RGS6: variants seen among roughly 807,000 people sequenced by gnomAD.
RGS6 encodes regulator of G-protein signaling 6.
RGS6 carries 30 observed loss-of-function variants against 78.5 expected under a neutral mutation model. That is an observed-to-expected ratio of 0.38 (90% CI 0.29 to 0.52). The LOEUF is 0.52. Ranked by LOEUF, RGS6 falls within the 20% of genes least tolerant of loss-of-function variation. RGS6 has a pLI of 0.85. For missense variants in RGS6, 495 were observed against 609.7 expected (o/e 0.81, Z 1.98); for synonymous variants, 206 against 206.0 (o/e 1.00, Z 0.00).
chr14:72,230,744 G>C (rs2238222), intron 2 of RGS6, among the ~76,000 whole-genome samples: 17,526 of 152,160 alleles, frequency 0.12, 1,264 homozygotes, highest in East Asian at 0.33. Flanking sequence ...CCTCAATTTT[G>C]CTTTTAAGGC....
At chr14:72,414,491 T>G (rs552751148) in intron 3 of RGS6, among the ~76,000 whole-genome samples, 1 of 152,200 alleles carries the variant, frequency 6.6e-6, no homozygotes, top group Non-Finnish European at 1.5e-5. Flanking sequence ...GGTTTTTAAC[T>G]TCTTTGCCAT....
At chr14:72,442,557 C>T (rs2095244128) in intron 3 of RGS6, among the ~76,000 whole-genome samples, 1 of 152,144 alleles carries the variant, frequency 6.6e-6, no homozygotes. Context: ...TTCATCATTG[C>T]TGGTGGATGA....
Position 71,964,874 on chromosome 14 carries a change from A to G in RGS6, c.83A>G (p.Lys28Arg). ...TCTCCAAACATGATCGTTTACTGCA[A>G]AGTAAGGCGCCTGGTCAAGTGCCGT... ...ESSPNMIVYC[K>R]IEDIITKMQD... Residue 28 changes from lysine to arginine, a missense_variant and splice_region_variant, in exon 2 of 18, where the codon AAA (lysine) becomes AGA (arginine). Coordinates refer to ENST00000553525, the MANE Select transcript of RGS6 (RefSeq NM_001204424.2). The G allele has an allele frequency of 6.2e-7, 1 of 1,613,144 alleles. No homozygotes were observed. The highest frequency in any genetic ancestry group is 8.5e-7 in the Non-Finnish European group (1 of 1,179,340).
At chr14:71,877,040 G>C in the RGS6 span, among the ~76,000 whole-genome samples, 25 of 152,202 alleles carry the variant, frequency 1.6e-4, no homozygotes, top group Non-Finnish European at 3.2e-4. Context: ...TCTGCCAAGA[G>C]GTCCGCTGTT....
intron 2 of RGS6, among the ~76,000 whole-genome samples, chr14:71,998,310 GC>G (rs2082767091): frequency 6.6e-6 from 1 of 152,194 alleles, no homozygotes; most frequent in South Asian, 2.1e-4. Flanking sequence ...TGGGAGGCAG[GC>G]TTGCCCTAAG....
At chr14:72,516,590 C>G (rs565166586) in intron 14 of RGS6, among the ~76,000 whole-genome samples, 3 of 152,202 alleles carry the variant, frequency 2.0e-5, no homozygotes, top group Non-Finnish European at 4.4e-5. Flanking sequence ...CCCAGGCCAC[C>G]TGCGGAGAGA....
intron 2 of RGS6, among the ~76,000 whole-genome samples, chr14:72,204,894 A>G (rs918595625): frequency 1.3e-5 from 2 of 151,948 alleles, no homozygotes; most frequent in African/African-American, 4.8e-5. Context: ...CCAAGTTTCT[A>G]CTCTTTAATA....
rs2063435955 is a variant in RGS6, at chr14:72,290,728, A to T, written c.85-61367A>T. ...AATTAGAAACTGGTCCTCATTAGGG[A>T]TTCTTAAAGGAAGTGCTCAATTTGC... On this transcript the variant is annotated intron_variant, in intron 2 of 17. Coordinates refer to ENST00000553525, the MANE Select transcript of RGS6 (RefSeq NM_001204424.2). Among the ~76,000 whole-genome samples, 3 of 152,172 alleles carry T rather than the reference A, an allele frequency of 2.0e-5. No homozygotes were observed. The South Asian group carries it at 6.2e-4, about 32-fold the overall frequency.
the RGS6 span, among the ~76,000 whole-genome samples, chr14:71,869,237 G>A: frequency 6.6e-6 from 1 of 152,160 alleles, no homozygotes; most frequent in Non-Finnish European, 1.5e-5. Flanking sequence ...TTTAAAATTG[G>A]CTTAACCTTG....
intron 2 of RGS6, among the ~76,000 whole-genome samples, chr14:72,157,901 G>C (rs1031564534): frequency 1.3e-5 from 2 of 151,642 alleles, no homozygotes; most frequent in Non-Finnish European, 2.9e-5. Flanking sequence ...GTGCAGGTTT[G>C]TTACATAGGT....
At chr14:72,545,372 A>G (rs1014157966) in intron 17 of RGS6, among the ~76,000 whole-genome samples, 1 of 152,212 alleles carries the variant, frequency 6.6e-6, no homozygotes, top group African/African-American at 2.4e-5. Context: ...TGGGACTCTG[A>G]GACACCTCAG....
Position 72,026,731 on chromosome 14 carries a change from C to G in RGS6, c.84+61856C>G, listed in dbSNP as rs117870077. Reference sequence around the variant, plus strand: ...CTGCTCACAGACACTGTTTGGCCAGCATAGCTCTCTTCTGTGATGAGCAAT... The same window carrying G: ...CTGCTCACAGACACTGTTTGGCCAGGATAGCTCTCTTCTGTGATGAGCAAT... On this transcript the variant is annotated intron_variant, in intron 2 of 17. Transcript: ENST00000553525. 7.2e-5 allele frequency among the ~76,000 whole-genome samples: 11 copies of G among 152,344 alleles called. No individual in the cohort carries two copies. The East Asian group carries it at 2.1e-3, about 29-fold the overall frequency.
intron 2 of RGS6, among the ~76,000 whole-genome samples, chr14:72,257,825 T>C (rs1201751734): frequency 1.3e-5 from 2 of 152,126 alleles, no homozygotes; most frequent in Non-Finnish European, 2.9e-5. Flanking sequence ...CTCTGTGTCA[T>C]GAGGCCACAG....
chr14:72,175,937 G>A (rs2097099410), intron 2 of RGS6, among the ~76,000 whole-genome samples: 1 of 152,178 alleles, frequency 6.6e-6, no homozygotes, highest in Non-Finnish European at 1.5e-5. Flanking sequence ...GTCTCTTGAT[G>A]CTGTGAACTA....
At chr14:72,190,075 G>C (rs149549976) in intron 2 of RGS6, among the ~76,000 whole-genome samples, 1 of 152,052 alleles carries the variant, frequency 6.6e-6, no homozygotes, top group Non-Finnish European at 1.5e-5. Context: ...CTCTTTGCCA[G>C]CCAACCTGTG....
chr14:72,391,376 T>A (rs1391807696), intron 3 of RGS6, among the ~76,000 whole-genome samples: 1 of 152,234 alleles, frequency 6.6e-6, no homozygotes, highest in Admixed American at 6.5e-5. Context: ...GTCTAGTTCA[T>A]GACAAGCATC....
At chr14:72,602,173 C>T in the RGS6 span, among the ~76,000 whole-genome samples, 1 of 152,234 alleles carries the variant, frequency 6.6e-6, no homozygotes, top group Non-Finnish European at 1.5e-5. Context: ...TTCTCTGACT[C>T]CCAAGCCAGG....
intron 8 of RGS6, among the ~76,000 whole-genome samples, chr14:72,471,477 C>T (rs2096074833): frequency 6.6e-6 from 1 of 152,228 alleles, no homozygotes; most frequent in Non-Finnish European, 1.5e-5. Context: ...TATGTTTCCT[C>T]TGGGTACCAC....
At chr14:72,408,317 T>C (rs11627216) in intron 3 of RGS6, among the ~76,000 whole-genome samples, 2,990 of 152,290 alleles carry the variant, frequency 0.02, 43 homozygotes, top group African/African-American at 0.036. Flanking sequence ...TTTTTGATGA[T>C]AACTTAAAAA....
Sources: allele counts gnomAD v4.1 joint callset (sites outside exome capture counted in the v4.1 genomes callset), GRCh38; gene constraint gnomAD v4.1.1; transcripts MANE v1.5; gene names NCBI Gene and HGNC (gene_info 2026-07-23, HGNC 2026-07-21).